ANXA8: variants seen among roughly 807,000 people sequenced by gnomAD.
The protein encoded by ANXA8 is VAC-beta.
A neutral mutation model predicts 26.8 loss-of-function variants in ANXA8; 9 were observed. That is an observed-to-expected ratio of 0.34 (90% CI 0.20 to 0.59). The LOEUF (loss-of-function observed/expected upper bound fraction) is 0.59, where lower values mean the gene tolerates loss of function less well. Ranked by LOEUF, ANXA8 falls within the 20% of genes least tolerant of loss-of-function variation. ANXA8 has a pLI of 0.84. For missense variants in ANXA8, 83 were observed against 238.5 expected, an observed-to-expected ratio of 0.35 and a Z score of 4.29; for synonymous variants, 39 against 94.8, an observed-to-expected ratio of 0.41 and a Z score of 3.42.
the ANXA8 span, among the ~76,000 whole-genome samples, chr10:47,672,780 C>A: frequency 1.3e-5 from 2 of 151,930 alleles, no homozygotes; most frequent in East Asian, 1.9e-4. Flanking sequence ...AGGGAGTGAA[C>A]CATTCGAGGT....
At chr10:47,487,539 T>C (rs1368105818), upstream of ANXA8, 39 of 444,312 alleles carry the variant, frequency 8.8e-5, 1 homozygote, top group Non-Finnish European at 1.5e-4. Context: ...GGCAGCAGGA[T>C]TACTGCAGAA....
chr10:47,954,144 T>C, the ANXA8 span, among the ~76,000 whole-genome samples: 1 of 150,674 alleles, frequency 6.6e-6, no homozygotes, highest in Non-Finnish European at 1.5e-5. Context: ...TCACTCTAAT[T>C]GTTCAACAAT....
the ANXA8 span, among the ~76,000 whole-genome samples, chr10:47,501,665 T>C: frequency 1.1e-4 from 15 of 140,998 alleles, 2 homozygotes; most frequent in Admixed American, 5.1e-4. Context: ...GCAGATATCA[T>C]GCCACTGCAC....
chr10:47,627,202 T>G, the ANXA8 span, among the ~76,000 whole-genome samples: 1 of 150,170 alleles, frequency 6.7e-6, no homozygotes, highest in Non-Finnish European at 1.5e-5. Context: ...TTTCATGTAC[T>G]CTTAACTTCC....
the ANXA8 span, among the ~76,000 whole-genome samples, chr10:47,527,459 G>GCA: frequency 1.7e-4 from 23 of 138,628 alleles, no homozygotes; most frequent in South Asian, 1.6e-3. Flanking sequence ...CAAGAGACAT[G>GCA]TATGAATCAG....
the ANXA8 span, among the ~76,000 whole-genome samples, chr10:47,489,428 C>T: frequency 6.6e-6 from 1 of 150,564 alleles, no homozygotes; most frequent in Non-Finnish European, 1.5e-5. Flanking sequence ...CAGTCTGTGG[C>T]CTCTGATGAG....
At chr10:47,500,075 TTTTTC>T in the ANXA8 span, among the ~76,000 whole-genome samples, 43 of 148,206 alleles carry the variant, frequency 2.9e-4, no homozygotes, top group African/African-American at 9.9e-4. Context: ...CTGGTCTTAT[TTTTTC>T]TTTTCTTAAG....
chr10:47,513,655 G>A, the ANXA8 span, among the ~76,000 whole-genome samples: 3 of 139,790 alleles, frequency 2.1e-5, 1 homozygote, highest in East Asian at 5.9e-4. Context: ...GGCCATAGTC[G>A]CCAAAATAGC....
the ANXA8 span, among the ~76,000 whole-genome samples, chr10:47,575,378 C>T: frequency 7.8e-6 from 1 of 128,842 alleles, no homozygotes; most frequent in African/African-American, 3.0e-5. Flanking sequence ...ATCAAACATA[C>T]TTCATTTGTT....
chr10:47,958,292 A>G, the ANXA8 span, among the ~76,000 whole-genome samples: 1 of 149,014 alleles, frequency 6.7e-6, no homozygotes, highest in Non-Finnish European at 1.5e-5. Flanking sequence ...AAGCCTGGGC[A>G]ACATGGCAAA....
the ANXA8 span, among the ~76,000 whole-genome samples, chr10:47,611,504 A>G: frequency 7.0e-6 from 1 of 143,842 alleles, no homozygotes; most frequent in African/African-American, 2.7e-5. Flanking sequence ...AACATGTGCT[A>G]ATACCCTACA....
chr10:47,970,684 C>A, the ANXA8 span, among the ~76,000 whole-genome samples: 1 of 151,418 alleles, frequency 6.6e-6, no homozygotes, highest in African/African-American at 2.4e-5. Flanking sequence ...ATTCCTAAGG[C>A]ATTTCTACAG....
At chr10:47,496,932 C>A in the ANXA8 span, among the ~76,000 whole-genome samples, 1 of 131,850 alleles carries the variant, frequency 7.6e-6, no homozygotes, top group African/African-American at 3.0e-5. Context: ...TGGGTTTCTC[C>A]ATTGTAAAGA....
chr10:47,762,300 C>T, the ANXA8 span, among the ~76,000 whole-genome samples: 1 of 151,314 alleles, frequency 6.6e-6, no homozygotes, highest in Non-Finnish European at 1.5e-5. Flanking sequence ...GGCTTCGCCC[C>T]GGGGGTGCTC....
the ANXA8 span, among the ~76,000 whole-genome samples, chr10:47,940,552 G>A: frequency 8.2e-5 from 12 of 146,362 alleles, no homozygotes; most frequent in East Asian, 6.3e-4. Flanking sequence ...AGGACAGGCC[G>A]GGCATGGTGG....
intron 8 of ANXA8, 101 bp from the exon 9 acceptor site, chr10:47,474,166 C>T (rs1328618628): frequency 8.8e-6 from 5 of 570,368 alleles, no homozygotes; most frequent in African/African-American, 4.0e-5. Context: ...CCTGACCTCC[C>T]ACTGGTGGCT....
At chr10:47,660,598 G>T in the ANXA8 span, among the ~76,000 whole-genome samples, 6 of 151,472 alleles carry the variant, frequency 4.0e-5, no homozygotes, top group Admixed American at 6.6e-5. Flanking sequence ...ATGGGGTTTC[G>T]CCATGTTGGC....
the ANXA8 span, among the ~76,000 whole-genome samples, chr10:47,743,378 A>ATG: frequency 0.11 from 6,344 of 59,488 alleles, 567 homozygotes; most frequent in African/African-American, 0.12. Context: ...ATACATATAT[A>ATG]TGTGTGTGTG....
the ANXA8 span, among the ~76,000 whole-genome samples, chr10:47,756,569 C>T: frequency 6.7e-6 from 1 of 148,806 alleles, no homozygotes; most frequent in Non-Finnish European, 1.5e-5. Context: ...CCCTTAAACA[C>T]CTTGTACAGA....
Sources: allele counts gnomAD v4.1 joint callset (sites outside exome capture counted in the v4.1 genomes callset), GRCh38; gene constraint gnomAD v4.1.1; transcripts MANE v1.5; gene names NCBI Gene and HGNC (gene_info 2026-07-23, HGNC 2026-07-21).